Variants in DYNC2H1 observed in about 807,000 individuals in gnomAD.
The protein encoded by DYNC2H1 is cytoplasmic dynein 2 heavy chain 1.
DYNC2H1 carries 410 observed loss-of-function variants against 570.0 expected under a neutral mutation model. The ratio of observed to expected loss-of-function variants is 0.72; its 90% confidence interval spans 0.66 to 0.78. The LOEUF is 0.78. Ranked by LOEUF, DYNC2H1 falls within the 30% of genes least tolerant of loss-of-function variation. The probability of loss-of-function intolerance (pLI) is 0.00; values close to 1 mark genes in which losing one functional copy is unlikely to be tolerated. For missense variants in DYNC2H1, 4,865 were observed against 5,046.4 expected, an observed-to-expected ratio of 0.96 and a Z score of 1.09; for synonymous variants, 1,688 against 1,677.6, an observed-to-expected ratio of 1.01 and a Z score of -0.15.
At chr11:103,263,545 G>A (rs1006932181) in intron 70 of DYNC2H1, among the ~76,000 whole-genome samples, 3 of 152,074 alleles carry the variant, frequency 2.0e-5, no homozygotes, top group Non-Finnish European at 4.4e-5. Context: ...TTAGAACTAA[G>A]GATTAAGAAA....
chr11:103,471,637 T>C (rs759961649), intron 88 of DYNC2H1, among the ~76,000 whole-genome samples: 14 of 152,366 alleles, frequency 9.2e-5, no homozygotes, highest in Middle Eastern at 3.4e-3. Flanking sequence ...TGCTATAATG[T>C]TTTATCTTAT....
At chr11:103,406,317 A>G (rs575302631) in intron 84 of DYNC2H1, 2 of 152,062 alleles carry the variant, frequency 1.3e-5, no homozygotes, top group South Asian at 4.2e-4. Context: ...TTGTCATTTT[A>G]TTTTCATATT....
chr11:103,351,926 C>G (rs1473061191), intron 82 of DYNC2H1, among the ~76,000 whole-genome samples: 1 of 151,894 alleles, frequency 6.6e-6, no homozygotes, highest in African/African-American at 2.4e-5. Context: ...ATTTTTTGAC[C>G]AACTATAGCC....
rs190949796 is a variant in DYNC2H1 at position 103,297,352 on chromosome 11, T to C, written c.11096-5741T>C. On this transcript the variant is annotated intron_variant, in intron 75 of 88. Coordinates refer to ENST00000375735, the MANE Select transcript of DYNC2H1 (RefSeq NM_001377.3). ...TAACAAAAGTACAGTCATGTGTTGTTAAACAGTTGTTTAACAGTTTAACAG... is the reference window on the plus strand; with the variant it reads ...TAACAAAAGTACAGTCATGTGTTGTCAAACAGTTGTTTAACAGTTTAACAG... Among the ~76,000 whole-genome samples the C allele has an allele frequency of 1.1e-4, 16 of 152,306 alleles. No individual in the cohort carries two copies. The East Asian group carries it at 2.9e-3, about 28-fold the overall frequency.
In DYNC2H1 at chr11:103,157,620, C is replaced by G. The variant is rs1240115548; in HGVS notation, c.4127+850C>G. ...GCCAAATACCTGTACAGAAGTATAT[C>G]TGTACTTCTATTCTAATGTTCTGTA... On this transcript the variant is annotated intron_variant, in intron 26 of 88. Coordinates refer to ENST00000375735, the MANE Select transcript of DYNC2H1 (RefSeq NM_001377.3). This position sits in a 1 kb window ranked among gnomAD's most constrained non-coding sequence, Gnocchi z 4.2. Among the ~76,000 whole-genome samples the G allele has an allele frequency of 6.6e-6, 1 of 152,212 alleles. No homozygotes were observed. Among genetic ancestry groups the G allele is most frequent in the Non-Finnish European group, 1.5e-5 (1 of 68,028 alleles).
rs72971580 is a variant in DYNC2H1, at chr11:103,252,010, G to T, written c.10043-1275G>T. On this transcript the variant is annotated intron_variant, in intron 65 of 88. Transcript: ENST00000375735. The surrounding 1 kb of genome is among the most constrained non-coding windows in gnomAD (Gnocchi z 4.6). ...GTGATCCATAGTTCACTGTAACCTC[G>T]AACTCCTGGGCTCAAATGATCCTCT... is the stretch of plus-strand genomic sequence containing the variant. Among the ~76,000 whole-genome samples the T allele has an allele frequency of 2.7e-4, 41 of 151,854 alleles. No individual in the cohort carries two copies. The highest frequency in any genetic ancestry group is 2.7e-3 in the Admixed American group (41 of 15,206).
At chr11:103,126,722 C>T (rs542287755) in intron 12 of DYNC2H1, among the ~76,000 whole-genome samples, 1 of 151,514 alleles carries the variant, frequency 6.6e-6, no homozygotes, top group Admixed American at 6.6e-5. Flanking sequence ...CTGCAAGCTC[C>T]GCCTCCCGGG....
chr11:103,329,397 T>G (rs1938659967), intron 82 of DYNC2H1, among the ~76,000 whole-genome samples: 1 of 146,910 alleles, frequency 6.8e-6, no homozygotes, highest in Non-Finnish European at 1.5e-5. Context: ...TTTTCTAGAA[T>G]CATCTCTGTA....
At chr11:103,337,125 C>T (rs1056164699) in intron 82 of DYNC2H1, among the ~76,000 whole-genome samples, 19 of 152,174 alleles carry the variant, frequency 1.2e-4, no homozygotes, top group African/African-American at 4.3e-4. Context: ...GGGATCTATG[C>T]CTTAAGGACA....
Position 103,303,228 on chromosome 11 carries a change from A to C in DYNC2H1, c.11231A>C (p.Glu3744Ala). ...GAACTTCAAGAACTAGCTAATGCTG[A>C]AAGAAGCGGAGAGTGTTATCACCAG... ...SQELQELANAERSGECYHQVA... is the reference protein window; with the variant it reads ...SQELQELANAARSGECYHQVA... Residue 3744 changes from glutamate (E) to alanine (A), a missense_variant, in exon 76 of 89, where the codon GAA becomes GCA. Glu to Ala is a moderately radical substitution (Grantham distance 107, BLOSUM62 -1). Around this residue, in one of 5 missense-constraint regions of DYNC2H1, gnomAD observed 2,401 missense variants for 2,454.6 expected, o/e 0.98. Coordinates refer to ENST00000375735, the MANE Select transcript of DYNC2H1 (RefSeq NM_001377.3). 1 of 1,612,430 alleles carries C rather than the reference A, an allele frequency of 6.2e-7. No homozygotes were observed. The highest frequency in any genetic ancestry group is 8.5e-7 in the Non-Finnish European group (1 of 1,178,828).
chr11:103,205,564 G>A lies in DYNC2H1; in HGVS notation c.8454+600G>A, dbSNP rs1431440937. On this transcript the variant is annotated intron_variant, in intron 52 of 88. Transcript: ENST00000375735. The surrounding 1 kb of genome is among the most constrained non-coding windows in gnomAD (Gnocchi z 4.5). ...GGTTTACAGATGAGGTAATATTTTA[G>A]TTACTGAAAGATATTTTAGCTTGAG... Among the ~76,000 whole-genome samples, 3 of 152,116 alleles carry A rather than the reference G, an allele frequency of 2.0e-5. No homozygotes were observed. The East Asian group carries it at 5.8e-4, about 29-fold the overall frequency.
At position 103,152,212 on chromosome 11, in the gene DYNC2H1, T is replaced by A. The variant is rs771671586; in HGVS notation, c.3023T>A (p.Ile1008Asn). The change falls in exon 21 of 89, where the codon ATT becomes AAT. Residue 1008 changes from isoleucine to asparagine, a missense_variant. Physicochemically the swap from Ile to Asn is moderately radical, Grantham distance 149. Coordinates refer to ENST00000375735, the MANE Select transcript of DYNC2H1 (RefSeq NM_001377.3). Reference sequence around the variant, plus strand: ...GTGGCTGGTGGAGGTTTAGAAACAATTAGTAATTTGAAAGCCAAGTGGGAT... The same window carrying A: ...GTGGCTGGTGGAGGTTTAGAAACAAATAGTAATTTGAAAGCCAAGTGGGAT... ...RTVAGGGLET[I>N]SNLKAKWDKF... 1 of 1,609,020 alleles carries A rather than the reference T, an allele frequency of 6.2e-7. No individual in the cohort carries two copies. Among genetic ancestry groups the A allele is most frequent in the South Asian group, 1.1e-5 (1 of 89,442 alleles).
chr11:103,342,231 C>G (rs563734809), intron 82 of DYNC2H1, among the ~76,000 whole-genome samples: 54 of 152,236 alleles, frequency 3.5e-4, no homozygotes, highest in African/African-American at 1.3e-3. Flanking sequence ...CTGTAGCTAG[C>G]TAGAGATTGG....
At chr11:103,352,046 A>C (rs1399861236) in intron 82 of DYNC2H1, among the ~76,000 whole-genome samples, 3 of 152,134 alleles carry the variant, frequency 2.0e-5, no homozygotes. Context: ...AGTTTAAAAT[A>C]ATCTCATGGC....
chr11:103,282,200 G>C lies in DYNC2H1; in HGVS notation c.10783G>C (p.Val3595Leu), dbSNP rs1214306090. The change falls in exon 72 of 89, where the codon GTG becomes CTG. Residue 3595 changes from valine to leucine, a missense_variant. Transcript: ENST00000375735. ...QENEWDTFTG[V>L]VVGDMLRKAD... ...ATAGGAATGGGATACGTTTACAGGT[G>C]TGGTTGTTGGAGACATGTTACGGAA... 2.5e-6 allele frequency: 4 copies of C among 1,608,492 alleles called. No homozygotes were observed. Among genetic ancestry groups the C allele is most frequent in the South Asian group, 2.2e-5 (2 of 89,702 alleles).
intron 59 of DYNC2H1, among the ~76,000 whole-genome samples, chr11:103,227,468 A>C (rs1591440077): frequency 1.3e-5 from 2 of 152,104 alleles, no homozygotes; most frequent in Non-Finnish European, 2.9e-5. Context: ...AGGTTATTTA[A>C]TTTCCACATA....
At position 103,125,293 on chromosome 11, in the gene DYNC2H1, C is replaced by T. The variant is rs1260978141; in HGVS notation, c.1855C>T (p.Gln619Ter). 3 of 1,549,232 alleles carry T rather than the reference C, an allele frequency of 1.9e-6. No homozygotes were observed. The change falls in exon 12 of 89, where the codon CAA becomes TAA. Residue 619 changes from glutamine (Q) to a stop codon, truncating the protein, a stop_gained and splice_region_variant. Transcript: ENST00000375735. LOFTEE classifies it high-confidence loss of function. The part of the protein sequence containing the change: ...KFCKQAIILK[Q>*]VAHFYNSIDQ... ...CTGCAAGCAAGCAATTATTCTTAAACAAGTATGAAATTACATTTTTTGAAT... is the reference window on the plus strand; with the variant it reads ...CTGCAAGCAAGCAATTATTCTTAAATAAGTATGAAATTACATTTTTTGAAT...
intron 82 of DYNC2H1, among the ~76,000 whole-genome samples, chr11:103,349,261 T>G (rs1939917354): frequency 6.6e-6 from 1 of 152,124 alleles, no homozygotes; most frequent in Non-Finnish European, 1.5e-5. Flanking sequence ...CAAAACTGTT[T>G]TCAAATGTGA....
At chr11:103,468,764 C>A in intron 88 of DYNC2H1, 59 bp downstream of exon 88, 1 of 1,324,766 alleles carries the variant, frequency 7.5e-7, no homozygotes, top group Non-Finnish European at 1.0e-6. Flanking sequence ...TAGATTTTAT[C>A]TTTTCAAGAA....
Sources: allele counts gnomAD v4.1 joint callset (sites outside exome capture counted in the v4.1 genomes callset), GRCh38; gene constraint gnomAD v4.1.1; regional missense constraint gnomAD v4.1.1; non-coding constraint Gnocchi (gnomAD v3.1); transcripts MANE v1.5; gene names NCBI Gene and HGNC (gene_info 2026-07-23, HGNC 2026-07-21).